The following SUSD4 variants were observed in gnomAD, a reference collection of about 807,000 sequenced individuals.
SUSD4 encodes the protein sushi domain-containing protein 4.
A neutral mutation model predicts 50.5 loss-of-function variants in SUSD4; 41 were observed. The observed-to-expected ratio is 0.81, with a 90% CI of 0.63 to 1.05. The LOEUF (loss-of-function observed/expected upper bound fraction) is 1.05. SUSD4 is among the 50% of genes least tolerant of loss of function. SUSD4 has a pLI of 0.00. For missense variants in SUSD4, 580 were observed against 634.7 expected, an observed-to-expected ratio of 0.91 and a Z score of 0.93; for synonymous variants, 257 against 257.3, an observed-to-expected ratio of 1.00 and a Z score of 0.01.
chr1:223,262,900 A>C (rs769548570), intron 5 of SUSD4, among the ~76,000 whole-genome samples: 12 of 152,194 alleles, frequency 7.9e-5, no homozygotes, highest in Non-Finnish European at 1.5e-4. Context: ...ATGGCAGAGG[A>C]AAGGGGACAT....
At chr1:223,363,705 G>A (rs1245988269) in intron 1 of SUSD4, 1 of 424,580 alleles carries the variant, frequency 2.4e-6, no homozygotes, top group Non-Finnish European at 4.2e-6. Flanking sequence ...AGGGAGGGCA[G>A]GGGTTAGCGC....
chr1:223,253,046 G>A (rs1047076765), intron 5 of SUSD4, among the ~76,000 whole-genome samples: 5 of 151,578 alleles, frequency 3.3e-5, no homozygotes, highest in Admixed American at 3.3e-4. Context: ...AGCCGAGATT[G>A]CACAATTGCA....
Position 223,221,465 on chromosome 1 carries a change from C to A in SUSD4, c.*727G>T. ...AATGCCATGGATCCATGTGCCACAC[C>A]ATGAATACAAACACTGATGATATGT... On this transcript the variant is annotated 3_prime_UTR_variant, in exon 9 of 9. Transcript: ENST00000366878. 1 of 189,834 alleles carries A rather than the reference C, an allele frequency of 5.3e-6. No individual in the cohort carries two copies. The allele number at this position is 189,834 out of a possible 1,614,324, so 11.8% of individuals were successfully genotyped here. A position where few individuals can be genotyped will look rare whatever the true frequency, so the allele number is the denominator to read the frequency against.
chr1:223,263,862 C>T (rs1662293309), intron 5 of SUSD4: 8 of 985,442 alleles, frequency 8.1e-6, no homozygotes, highest in Non-Finnish European at 8.4e-6. Flanking sequence ...TGAAGCGGCT[C>T]CTGACTTGAG....
chr1:223,269,134 C>A (rs2103085311), intron 3 of SUSD4, among the ~76,000 whole-genome samples: 1 of 152,314 alleles, frequency 6.6e-6, no homozygotes, highest in East Asian at 1.9e-4. Flanking sequence ...CGGCCCTGAG[C>A]CTGATAAGAA....
At chr1:223,269,032 C>A (rs370076427) in intron 3 of SUSD4, among the ~76,000 whole-genome samples, 1 of 152,212 alleles carries the variant, frequency 6.6e-6, no homozygotes, top group African/African-American at 2.4e-5. Context: ...TGGTTACATA[C>A]TTTACTGTGT....
intron 5 of SUSD4, among the ~76,000 whole-genome samples, chr1:223,257,009 C>T (rs1451440056): frequency 6.6e-6 from 1 of 152,174 alleles, no homozygotes; most frequent in Non-Finnish European, 1.5e-5. Context: ...AAATAAACTA[C>T]CTGCACGGTG....
intron 2 of SUSD4, among the ~76,000 whole-genome samples, chr1:223,293,875 C>A (rs572553839): frequency 6.6e-6 from 1 of 151,876 alleles, no homozygotes; most frequent in African/African-American, 2.4e-5. Context: ...GAGTTCCAGG[C>A]CCCCCTTTTC....
intron 3 of SUSD4, among the ~76,000 whole-genome samples, chr1:223,279,218 T>A (rs533429600): frequency 2.6e-5 from 4 of 152,320 alleles, no homozygotes; most frequent in South Asian, 2.1e-4. Flanking sequence ...CAAAGCTGGA[T>A]GGAGAATGAC....
intron 2 of SUSD4, among the ~76,000 whole-genome samples, chr1:223,303,639 T>C (rs1353912288): frequency 6.6e-6 from 1 of 152,142 alleles, no homozygotes; most frequent in African/African-American, 2.4e-5. Context: ...ATACACAAGA[T>C]AGTGAAAGCT....
chr1:223,343,271 C>T (rs1003879888), intron 2 of SUSD4, among the ~76,000 whole-genome samples: 5 of 152,178 alleles, frequency 3.3e-5, no homozygotes, highest in East Asian at 1.9e-4. Flanking sequence ...TTGAGCACCC[C>T]GCCCAGCTGG....
At chr1:223,233,177 T>G (rs957350120) in intron 5 of SUSD4, among the ~76,000 whole-genome samples, 4 of 152,178 alleles carry the variant, frequency 2.6e-5, no homozygotes, top group Middle Eastern at 6.3e-3. Context: ...GCCTTAACTC[T>G]GAGACTGTCA....
intron 5 of SUSD4, among the ~76,000 whole-genome samples, chr1:223,246,828 T>C (rs1187369816): frequency 6.6e-6 from 1 of 152,166 alleles, no homozygotes; most frequent in East Asian, 1.9e-4. Flanking sequence ...CCAATTTATA[T>C]GTTTCATTAC....
intron 5 of SUSD4, among the ~76,000 whole-genome samples, chr1:223,234,064 C>T (rs1660062059): frequency 6.6e-6 from 1 of 152,186 alleles, no homozygotes; most frequent in African/African-American, 2.4e-5. Context: ...CAAAAGGCAG[C>T]AGAGTCCAGT....
chr1:223,363,551 G>A, intron 1 of SUSD4, 91 bp from the exon 2 acceptor site: 4 of 1,326,984 alleles, frequency 3.0e-6, no homozygotes, highest in Non-Finnish European at 3.0e-6. Context: ...CCGGCGCCTC[G>A]GCTTCCCAGG....
chr1:223,331,037 T>C (rs1370676453), intron 2 of SUSD4, among the ~76,000 whole-genome samples: 1 of 152,152 alleles, frequency 6.6e-6, no homozygotes, highest in East Asian at 1.9e-4. Flanking sequence ...TCATAATCAC[T>C]GGCAGAGGTG....
rs1669110236 is a variant in SUSD4 at position 223,363,336 on chromosome 1, C to G, written c.90G>C (p.Leu30Phe). ...QQQPQSPQRL[L>F]AVILWFQLAL... ...CCAGCTGAAACCACAGGATCACGGC[C>G]AAGAGTCTCTGGGGGGACTGAGGTT... Residue 30 changes from leucine to phenylalanine, a missense_variant, in exon 2 of 9, where the codon TTG becomes TTC. Coordinates refer to ENST00000366878, the MANE Select transcript of SUSD4 (RefSeq NM_017982.4). 2 of 1,610,382 alleles carry G rather than the reference C, an allele frequency of 1.2e-6. No individual in the cohort carries two copies. The highest frequency in any genetic ancestry group is 1.7e-6 in the Non-Finnish European group (2 of 1,178,628).
chr1:223,237,688 G>A (rs184866705), intron 5 of SUSD4, among the ~76,000 whole-genome samples: 71 of 152,020 alleles, frequency 4.7e-4, no homozygotes, highest in Non-Finnish European at 8.5e-4. Context: ...GCATATCTGG[G>A]ATAAATTCCA....
At chr1:223,257,388 G>T (rs779338361) in intron 5 of SUSD4, among the ~76,000 whole-genome samples, 1 of 152,168 alleles carries the variant, frequency 6.6e-6, no homozygotes, top group Non-Finnish European at 1.5e-5. Flanking sequence ...AGGCAAGGAA[G>T]GGAGTGAAGA....
Sources: gnomAD v4.1 joint callset for allele counts (sites outside exome capture counted in the v4.1 genomes callset) on GRCh38, gnomAD v4.1.1 for gene constraint, MANE v1.5 for transcripts, NCBI Gene and HGNC (gene_info 2026-07-23, HGNC 2026-07-21) for gene names.